ABCC6: variants seen among roughly 807,000 people sequenced by gnomAD.
ABCC6 encodes the protein ATP binding cassette subfamily C member 6.
Under a neutral mutation model 169.5 loss-of-function variants are expected in ABCC6, and 126 were observed. The observed-to-expected ratio is 0.74, with a 90% confidence interval of 0.64 to 0.86. ABCC6 has a LOEUF of 0.86. ABCC6 is among the 40% of genes least tolerant of loss of function. The pLI is 0.00. For synonymous variants in ABCC6, 752 were observed against 814.7 expected (o/e 0.92, Z 1.31); for missense variants, 1,733 against 1,927.2 (o/e 0.90, Z 1.89).
At chr16:16,170,095 T>TTCC (rs1555510517) in intron 21 of ABCC6, among the ~76,000 whole-genome samples, 13 of 145,992 alleles carry the variant, frequency 8.9e-5, no homozygotes, top group Admixed American at 1.4e-4. Context: ...TATTTTTTCT[T>TTCC]TTGTTTTTTT....
intron 9 of ABCC6, 114 bp from the exon 10 acceptor site, chr16:16,198,296 T>C (rs918517587): frequency 9.2e-5 from 110 of 1,190,578 alleles, no homozygotes; most frequent in Non-Finnish European, 1.2e-4. Context: ...GGTGGGTGAG[T>C]AAAGTCTCTT....
At chr16:16,175,765 G>T in intron 20 of ABCC6, 146 bp downstream of exon 20, 2 of 837,806 alleles carry the variant, frequency 2.4e-6, no homozygotes, top group Non-Finnish European at 3.6e-6. Context: ...TTATCCCTCA[G>T]CAGGGCACCA....
intron 18 of ABCC6, among the ~76,000 whole-genome samples, chr16:16,178,441 G>A (rs1300049423): frequency 6.6e-6 from 1 of 152,090 alleles, no homozygotes; most frequent in African/African-American, 2.4e-5. Context: ...TCCCCTTCTT[G>A]TGCTCCTGCC....
At position 16,165,621 on chromosome 16, in the gene ABCC6, AC is replaced by A. The variant is rs797045078; in HGVS notation, c.3306+1del. ...CCGGAAGCCTCCCTGACCTCTCCGTACCTGAAACCCAGCGTAGAGGAGAAAC... is the reference window on the plus strand; with the variant it reads ...CCGGAAGCCTCCCTGACCTCTCCGTACTGAAACCCAGCGTAGAGGAGAAAC... On this transcript the variant is annotated splice_donor_variant, in intron 23 of 30. Coordinates refer to ENST00000205557, the MANE Select transcript of ABCC6 (RefSeq NM_001171.6). LOFTEE classifies it high-confidence loss of function. 1.2e-6 allele frequency: 2 copies of A among 1,612,984 alleles called. No individual in the cohort carries two copies. Among genetic ancestry groups the A allele is most frequent in the Non-Finnish European group, 8.5e-7 (1 of 1,180,006 alleles).
intron 27 of ABCC6, chr16:16,155,382 A>G (rs891476748): frequency 4.2e-5 from 15 of 354,966 alleles, no homozygotes; most frequent in Middle Eastern, 8.1e-4. Flanking sequence ...CCGTCCATCC[A>G]TCCCTTATCC....
At position 16,182,950 on chromosome 16, in the gene ABCC6, G is replaced by A; in HGVS notation, c.1944-20C>T. ...TTTATTCTGGACACGCAAGAGGGGA[G>A]ACATGACCTTGGTTAGGGTTCAGCC... On this transcript the variant is annotated intron_variant, in intron 15 of 30. Transcript: ENST00000205557. The A allele has an allele frequency of 6.2e-7, 1 of 1,614,150 alleles. No individual in the cohort carries two copies. Among genetic ancestry groups the A allele is most frequent in the Non-Finnish European group, 8.5e-7 (1 of 1,180,016 alleles).
intron 13 of ABCC6, 95 bp from the exon 14 acceptor site, chr16:16,187,306 G>A (rs2047682277): frequency 2.0e-6 from 2 of 985,250 alleles, no homozygotes; most frequent in South Asian, 2.7e-5. Context: ...ACAGCTTCCT[G>A]TCTACCAAGC....
At chr16:16,184,260 T>G (rs886459262) in intron 15 of ABCC6, 2 of 192,814 alleles carry the variant, frequency 1.0e-5, no homozygotes, top group African/African-American at 4.8e-5. Flanking sequence ...TCCTTCCTTA[T>G]GATCTCGGCT....
chr16:16,170,361 A>T (rs1596625568), intron 21 of ABCC6, among the ~76,000 whole-genome samples: 1 of 152,170 alleles, frequency 6.6e-6, no homozygotes, highest in African/African-American at 2.4e-5. Flanking sequence ...CGGCCTTCCA[A>T]AGTGCTTGGA....
At position 16,155,164 on chromosome 16, in the gene ABCC6, T is replaced by C. The variant is rs188938580; in HGVS notation, c.3883-133A>G. 2 of 1,071,586 alleles carry C rather than the reference T, an allele frequency of 1.9e-6. 1 individual carries two copies. Among genetic ancestry groups the C allele is most frequent in the East Asian group, 5.2e-5 (2 of 38,230 alleles). 66.4% of individuals were successfully genotyped at this position (1,071,586 alleles called of 1,614,324 possible). On this transcript the variant is annotated intron_variant, in intron 27 of 30. Coordinates refer to ENST00000205557, the MANE Select transcript of ABCC6 (RefSeq NM_001171.6). ...GTAAAGGTCTACCTTCCATCTCTCT[T>C]TCCATCTGTCTACCTTTCTATATAT...
intron 25 of ABCC6, 113 bp from the exon 26 acceptor site, chr16:16,159,696 G>A (rs1048860268): frequency 5.4e-6 from 5 of 926,012 alleles, no homozygotes; most frequent in Non-Finnish European, 8.6e-6. Context: ...GAGTAAAGAG[G>A]GGAGGCAGGA....
chr16:16,210,671 T>TG (rs2048578313), intron 6 of ABCC6, among the ~76,000 whole-genome samples: 2 of 152,198 alleles, frequency 1.3e-5, no homozygotes, highest in Admixed American at 1.3e-4. Flanking sequence ...CAAAAAAGCA[T>TG]CAAGAGTGGT....
chr16:16,208,220 C>T (rs2048457076), intron 7 of ABCC6, among the ~76,000 whole-genome samples: 1 of 152,128 alleles, frequency 6.6e-6, no homozygotes, highest in South Asian at 2.1e-4. Flanking sequence ...GTGATGCGTT[C>T]TGGGAGGAAC....
At chr16:16,154,538 G>T in intron 29 of ABCC6, 90 bp downstream of exon 29, 1 of 1,501,906 alleles carries the variant, frequency 6.7e-7, no homozygotes, top group Non-Finnish European at 9.2e-7. Context: ...AATCCTATCG[G>T]GGGAGGCATT....
Position 16,202,013 on chromosome 16 carries a change from C to T in ABCC6, c.1164G>A (p.Leu388=). Residue 388 remains leucine, a synonymous_variant, in exon 9 of 31, where the codon CTG becomes CTA. Transcript: ENST00000205557. The stretch of plus-strand genomic sequence containing the variant: ...CCCCAGGGCTCACCTTTCTGTACAC[C>T]AGGCCAGTGATGGCCGACCGCAACC... The part of the protein sequence containing the change: ...QMRLRSAITG[L]VYRKVLALSS... 1 of 1,614,014 alleles carries T rather than the reference C, an allele frequency of 6.2e-7. No individual in the cohort carries two copies. Among genetic ancestry groups the T allele is most frequent in the South Asian group, 1.1e-5 (1 of 91,078 alleles).
intron 6 of ABCC6, among the ~76,000 whole-genome samples, chr16:16,211,333 G>A (rs1179005361): frequency 1.1e-4 from 16 of 152,042 alleles, no homozygotes; most frequent in Admixed American, 5.2e-4. Flanking sequence ...CCCAGGAGGC[G>A]GAGGTTGCAG....
At chr16:16,168,809 G>A (rs1187026529) in intron 22 of ABCC6, among the ~76,000 whole-genome samples, 7 of 152,068 alleles carry the variant, frequency 4.6e-5, no homozygotes, top group Non-Finnish European at 7.4e-5. Flanking sequence ...GGCCGGGTGC[G>A]GGGGCTCACA....
chr16:16,157,633 T>C, intron 27 of ABCC6, 30 bp downstream of exon 27: 1 of 1,613,912 alleles, frequency 6.2e-7, no homozygotes, highest in Non-Finnish European at 8.5e-7. Context: ...CTAAACTCCA[T>C]GAAGAAGACA....
intron 10 of ABCC6, among the ~76,000 whole-genome samples, chr16:16,195,984 C>T (rs796168395): frequency 2.6e-5 from 4 of 152,138 alleles, no homozygotes; most frequent in African/African-American, 9.6e-5. Context: ...CTGAGGTGGG[C>T]AGATCACCTG....
Sources: gnomAD v4.1 joint callset for allele counts (sites outside exome capture counted in the v4.1 genomes callset) on GRCh38, gnomAD v4.1.1 for gene constraint, MANE v1.5 for transcripts, NCBI Gene and HGNC (gene_info 2026-07-23, HGNC 2026-07-21) for gene names.